CSNK1G1: variants seen among roughly 807,000 people sequenced by gnomAD.
The protein encoded by CSNK1G1 is casein kinase I isoform gamma-1.
CSNK1G1 carries 22 observed loss-of-function variants against 59.6 expected under a neutral mutation model. That is an observed-to-expected ratio of 0.37 (90% CI 0.26 to 0.53). The LOEUF is 0.53. Ranked by LOEUF, CSNK1G1 falls within the 20% of genes least tolerant of loss-of-function variation. CSNK1G1 has a pLI of 0.89. For synonymous variants in CSNK1G1, 179 were observed against 177.1 expected (o/e 1.01, Z -0.08); for missense variants, 384 against 519.5 (o/e 0.74, Z 2.54).
intron 2 of CSNK1G1, among the ~76,000 whole-genome samples, chr15:64,291,932 C>T (rs1894761809): frequency 6.6e-6 from 1 of 152,164 alleles, no homozygotes; most frequent in Non-Finnish European, 1.5e-5. Context: ...GGCGCAGTGG[C>T]TCACGCCTGT....
intron 10 of CSNK1G1, among the ~76,000 whole-genome samples, chr15:64,184,174 A>T (rs968138678): frequency 2.5e-4 from 38 of 151,782 alleles, no homozygotes; most frequent in Non-Finnish European, 4.6e-4. Flanking sequence ...ATGGTGGCAC[A>T]CGTCTGTAGT....
chr15:64,168,854 C>T lies in CSNK1G1; in HGVS notation c.*3077G>A, dbSNP rs1386620508. The T allele has an allele frequency of 6.6e-6, 1 of 152,240 alleles. No homozygotes were observed. Among genetic ancestry groups the T allele is most frequent in the Non-Finnish European group, 1.5e-5 (1 of 68,046 alleles). The allele number at this position is 152,240 out of a possible 1,614,324, so 9.4% of individuals were successfully genotyped here. A position where few individuals can be genotyped will look rare whatever the true frequency, so the allele number is the denominator to read the frequency against. ...TTTTGCTTATTTTTAAGGAAGATCC[C>T]ACCAGAATCTCCCAGGTCTGGGACC... On this transcript the variant is annotated 3_prime_UTR_variant, in exon 12 of 12. Transcript: ENST00000303052.
At chr15:64,301,368 C>CAA (rs5813288) in intron 1 of CSNK1G1, among the ~76,000 whole-genome samples, 20 of 142,312 alleles carry the variant, frequency 1.4e-4, no homozygotes, top group African/African-American at 5.2e-4. Flanking sequence ...GAAAATAAAG[C>CAA]AAAAAAAAAA....
chr15:64,180,461 CAGAA>C lies in CSNK1G1; in HGVS notation c.1108-11_1108-8del. On this transcript the variant is annotated splice_polypyrimidine_tract_variant and splice_region_variant and intron_variant, in intron 10 of 11. Transcript: ENST00000303052. ...CATTGGTTGAGCTAACCACCTGAAA[CAGAA>C]AGACAGAAGTGTGTGACAGGCACCA... is the stretch of plus-strand genomic sequence containing the variant. The C allele has an allele frequency of 6.2e-7, 1 of 1,609,426 alleles. No homozygotes were observed. The highest frequency in any genetic ancestry group is 8.5e-7 in the Non-Finnish European group (1 of 1,175,814).
At chr15:64,173,249 G>C (rs755569803) in intron 11 of CSNK1G1, among the ~76,000 whole-genome samples, 27 of 152,212 alleles carry the variant, frequency 1.8e-4, no homozygotes, top group Non-Finnish European at 3.7e-4. Context: ...TAGACTCTTT[G>C]GCATTCCTAC....
intron 4 of CSNK1G1, among the ~76,000 whole-genome samples, chr15:64,223,574 G>A (rs77984708): frequency 0.013 from 1,952 of 152,112 alleles, 39 homozygotes; most frequent in African/African-American, 0.045. Context: ...TTCCTAAATT[G>A]GTAAACTGCA....
intron 2 of CSNK1G1, among the ~76,000 whole-genome samples, chr15:64,259,469 AAAC>A (rs1323606005): frequency 2.0e-5 from 3 of 146,698 alleles, no homozygotes; most frequent in Non-Finnish European, 4.5e-5. Flanking sequence ...CTAAAAGAGA[AAAC>A]AAATCTCTCT....
chr15:64,262,821 G>A (rs2140335476), intron 2 of CSNK1G1, among the ~76,000 whole-genome samples: 1 of 152,324 alleles, frequency 6.6e-6, no homozygotes, highest in South Asian at 2.1e-4. Context: ...GCTCACGCCT[G>A]TAATCCCAGC....
chr15:64,274,446 G>A (rs946365105), intron 2 of CSNK1G1, among the ~76,000 whole-genome samples: 3 of 152,168 alleles, frequency 2.0e-5, no homozygotes, highest in African/African-American at 7.2e-5. Flanking sequence ...CAATAACTAT[G>A]AGGAAGGAAA....
At chr15:64,187,836 A>G (rs1039190992) in intron 10 of CSNK1G1, among the ~76,000 whole-genome samples, 2 of 152,248 alleles carry the variant, frequency 1.3e-5, no homozygotes, top group African/African-American at 4.8e-5. Flanking sequence ...GATTCAGAAT[A>G]GCCCAAATGA....
chr15:64,290,811 G>T (rs557988137), intron 2 of CSNK1G1, among the ~76,000 whole-genome samples: 21 of 152,078 alleles, frequency 1.4e-4, no homozygotes, highest in African/African-American at 5.1e-4. Context: ...GAGTGCAATG[G>T]CACGATCTCA....
rs1431626034 is a variant in CSNK1G1 at position 64,176,099 on chromosome 15, G to A, written c.1215-4114C>T. On this transcript the variant is annotated intron_variant, in intron 11 of 11. Coordinates refer to ENST00000303052, the MANE Select transcript of CSNK1G1 (RefSeq NM_022048.5). This position sits in a 1 kb window ranked among gnomAD's most constrained non-coding sequence, Gnocchi z 5.2. ...TAGATTAATTCCTGGGTACAGGCCT[G>A]CCCCATCCCCACCTTATGGATCTAG... Among the ~76,000 whole-genome samples the A allele has an allele frequency of 1.3e-5, 2 of 152,196 alleles. No homozygotes were observed. The highest frequency in any genetic ancestry group is 4.8e-5 in the African/African-American group (2 of 41,464).
chr15:64,169,537 CT>C lies in CSNK1G1; in HGVS notation c.*2393del, dbSNP rs2081641680. Reference sequence around the variant, plus strand: ...CGTGAGCCACTGCACCTGGCCCCCCCTCTGCCCTCTCTTGAGAGGCAAGGCA... The same window carrying C: ...CGTGAGCCACTGCACCTGGCCCCCCCCTGCCCTCTCTTGAGAGGCAAGGCA... On this transcript the variant is annotated 3_prime_UTR_variant, in exon 12 of 12. Coordinates refer to ENST00000303052, the MANE Select transcript of CSNK1G1 (RefSeq NM_022048.5). 1 of 151,812 alleles carries C rather than the reference CT, an allele frequency of 6.6e-6. No individual in the cohort carries two copies. Among genetic ancestry groups the C allele is most frequent in the African/African-American group, 2.4e-5 (1 of 41,088 alleles). 9.4% of individuals were successfully genotyped at this position (151,812 alleles called of 1,614,324 possible). A position where few individuals can be genotyped will look rare whatever the true frequency, so the allele number is the denominator to read the frequency against.
At position 64,171,697 on chromosome 15, in the gene CSNK1G1, G is replaced by T. The variant is rs2081667167; in HGVS notation, c.*234C>A. Reference sequence around the variant, plus strand: ...CCAGGCAGCCCTATGGGCAAGCAGTGGAGGAACAGCAGCTCTGGGACCTGC... The same window carrying T: ...CCAGGCAGCCCTATGGGCAAGCAGTTGAGGAACAGCAGCTCTGGGACCTGC... On this transcript the variant is annotated 3_prime_UTR_variant, in exon 12 of 12. Transcript: ENST00000303052. The surrounding 1 kb of genome is among the most constrained non-coding windows in gnomAD (Gnocchi z 4.8). 1.7e-6 allele frequency: 1 copy of T among 578,494 alleles called. No homozygotes were observed. Among genetic ancestry groups the T allele is most frequent in the Admixed American group, 3.0e-5 (1 of 33,234 alleles). The allele number at this position is 578,494 out of a possible 1,614,324, so 35.8% of individuals were successfully genotyped here.
chr15:64,186,261 C>T (rs1054240982), intron 10 of CSNK1G1, among the ~76,000 whole-genome samples: 19 of 152,292 alleles, frequency 1.2e-4, no homozygotes, highest in African/African-American at 4.3e-4. Flanking sequence ...TACCCACCAC[C>T]ACGCCCAGCT....
At chr15:64,222,437 C>CAAAGAA (rs2082402117) in intron 4 of CSNK1G1, among the ~76,000 whole-genome samples, 1 of 69,004 alleles carries the variant, frequency 1.4e-5, no homozygotes. Context: ...ACAACACCAC[C>CAAAGAA]AAAAAAAAAA....
chr15:64,323,062 A>G (rs537693329), intron 1 of CSNK1G1, among the ~76,000 whole-genome samples: 3 of 152,030 alleles, frequency 2.0e-5, no homozygotes, highest in Non-Finnish European at 4.4e-5. Context: ...ACCTAGGACT[A>G]CAGGCTCACG....
intron 2 of CSNK1G1, among the ~76,000 whole-genome samples, chr15:64,268,429 C>A (rs932071087): frequency 7.2e-5 from 11 of 152,032 alleles, no homozygotes; most frequent in African/African-American, 2.7e-4. Flanking sequence ...CTATAGCTAA[C>A]AAAAGGACCT....
chr15:64,279,740 G>A (rs898924293), intron 2 of CSNK1G1, among the ~76,000 whole-genome samples: 7 of 152,048 alleles, frequency 4.6e-5, no homozygotes, highest in African/African-American at 1.7e-4. Flanking sequence ...TTGGGAGGCC[G>A]AGGTGGGCGG....
Sources: allele counts gnomAD v4.1 joint callset (sites outside exome capture counted in the v4.1 genomes callset), GRCh38; gene constraint gnomAD v4.1.1; non-coding constraint Gnocchi (gnomAD v3.1); transcripts MANE v1.5; gene names NCBI Gene and HGNC (gene_info 2026-07-23, HGNC 2026-07-21).